The following HERC1 variants were observed in gnomAD, a reference collection of about 807,000 sequenced individuals.
The protein encoded by HERC1 is HECT and RLD domain containing E3 ubiquitin protein ligase family member 1, also known as probable E3 ubiquitin-protein ligase HERC1.
A neutral mutation model predicts 554.3 loss-of-function variants in HERC1; 160 were observed. That is an observed-to-expected ratio of 0.29 (90% CI 0.25 to 0.33). The LOEUF is 0.33. Among genes scored for constraint, HERC1 ranks in the 10% least tolerant of loss-of-function variants. HERC1 has a pLI of 1.00. For missense variants in HERC1, 4,919 were observed against 5,918.5 expected, an observed-to-expected ratio of 0.83 and a Z score of 5.54; for synonymous variants, 2,175 against 2,131.7, an observed-to-expected ratio of 1.02 and a Z score of -0.56.
intron 48 of HERC1, 22 bp from the exon 49 acceptor site, chr15:63,656,380 T>G (rs1185198026): frequency 1.3e-6 from 2 of 1,593,574 alleles, no homozygotes; most frequent in Non-Finnish European, 1.7e-6. Context: ...GAAAAACATC[T>G]CAGATGGATA....
chr15:63,613,462 C>A (rs1267260785), intron 76 of HERC1, among the ~76,000 whole-genome samples: 1 of 152,166 alleles, frequency 6.6e-6, no homozygotes, highest in African/African-American at 2.4e-5. Context: ...TTCATAAATA[C>A]TTCTTTGCTC....
chr15:63,643,559 C>T lies in HERC1; in HGVS notation c.11185-9G>A, dbSNP rs1325847730. On this transcript the variant is annotated splice_polypyrimidine_tract_variant and intron_variant, in intron 57 of 77. Transcript: ENST00000443617. ...GATTTCCTATATCCATCCTGAAATT[C>T]ATTATTTTTAACATGCATTAAAATA... 1.9e-6 allele frequency: 3 copies of T among 1,552,186 alleles called. No homozygotes were observed. The highest frequency in any genetic ancestry group is 2.6e-6 in the Non-Finnish European group (3 of 1,146,436).
Position 63,680,727 on chromosome 15 carries a change from AC to A in HERC1, c.6274del (p.Val2092PhefsTer50). On this transcript the variant is annotated frameshift_variant, in exon 35 of 78. Coordinates refer to ENST00000443617, the MANE Select transcript of HERC1 (RefSeq NM_003922.4). LOFTEE classifies it high-confidence loss of function. The surrounding 1 kb of genome is among the most constrained non-coding windows in gnomAD (Gnocchi z 5.8). ...NRGNEGTCVGVSRWPVHDFNH... is the reference protein window; with the variant it reads ...NRGNEGTCVGXSRWPVHDFNH... Reference sequence around the variant, plus strand: ...AAAGTCATGTACTGGCCAGCGAGAAACTCCAACACACGTGCCTTCATTACCT... The same window carrying A: ...AAAGTCATGTACTGGCCAGCGAGAAATCCAACACACGTGCCTTCATTACCT... 6.2e-7 allele frequency: 1 copy of A among 1,612,942 alleles called. No individual in the cohort carries two copies. The highest frequency in any genetic ancestry group is 8.5e-7 in the Non-Finnish European group (1 of 1,179,086).
At chr15:63,803,925 G>A (rs2077062913) in intron 1 of HERC1, among the ~76,000 whole-genome samples, 2 of 152,114 alleles carry the variant, frequency 1.3e-5, no homozygotes, top group Admixed American at 1.3e-4. Context: ...CAAGATAGTG[G>A]TACTTTCATC....
intron 1 of HERC1, among the ~76,000 whole-genome samples, chr15:63,801,137 C>T (rs988554819): frequency 6.6e-6 from 1 of 152,154 alleles, no homozygotes; most frequent in Non-Finnish European, 1.5e-5. Context: ...CTGTATCTTG[C>T]CCTATGCATC....
At chr15:63,637,322 AC>A (rs1409590828) in intron 64 of HERC1, among the ~76,000 whole-genome samples, 182 bp downstream of exon 64, 1 of 152,234 alleles carries the variant, frequency 6.6e-6, no homozygotes, top group Non-Finnish European at 1.5e-5. Context: ...GCTATAAGTA[AC>A]CTGCAATATA....
chr15:63,718,422 T>C lies in HERC1; in HGVS notation c.3978+152A>G, dbSNP rs1351646221. 2 of 689,794 alleles carry C rather than the reference T, an allele frequency of 2.9e-6. No homozygotes were observed. The highest frequency in any genetic ancestry group is 2.9e-5 in the East Asian group (1 of 33,942). The allele number at this position is 689,794 out of a possible 1,614,324, so 42.7% of individuals were successfully genotyped here. On this transcript the variant is annotated intron_variant, in intron 21 of 77. Transcript: ENST00000443617. The surrounding 1 kb of genome is among the most constrained non-coding windows in gnomAD (Gnocchi z 4.2). ...GAGGTTAAGTAAATCTCAAATCTTT[T>C]CCTTTTTTTTTTTCTGCTAGGAAAA...
In HERC1 at chr15:63,727,735, G is replaced by A. The variant is rs530606514; in HGVS notation, c.3258C>T (p.Leu1086=). 1.2e-6 allele frequency: 2 copies of A among 1,613,754 alleles called. No individual in the cohort carries two copies. Among genetic ancestry groups the A allele is most frequent in the Admixed American group, 1.7e-5 (1 of 60,004 alleles). ...GGCAATCAAGAGGTGGCAACAAGTC[G>A]AGGAGGTAACTCAATAAAGGCCGAG... The part of the protein sequence containing the change: ...SVARPLLSYL[L]DLLPPLDCLN... Residue 1086 remains leucine (L), a synonymous_variant, in exon 17 of 78, where the codon CTC becomes CTT. Coordinates refer to ENST00000443617, the MANE Select transcript of HERC1 (RefSeq NM_003922.4). The surrounding 1 kb of genome is among the most constrained non-coding windows in gnomAD (Gnocchi z 4.3).
rs377406224 is a variant in HERC1, at chr15:63,690,536, A to G, written c.5937+5T>C. ...ACATCTTCTAATAATTTTAAAAATA[A>G]AAACCTGGGCCATTTGATCATCTTC... On this transcript the variant is annotated splice_donor_5th_base_variant and intron_variant, in intron 32 of 77. Coordinates refer to ENST00000443617, the MANE Select transcript of HERC1 (RefSeq NM_003922.4). The G allele has an allele frequency of 7.0e-5, 110 of 1,579,742 alleles. No homozygotes were observed. In the African/African-American group the frequency reaches 1.3e-3, roughly 18 times the overall value.
chr15:63,673,295 T>C (rs1236355598), intron 38 of HERC1, among the ~76,000 whole-genome samples: 1 of 152,208 alleles, frequency 6.6e-6, no homozygotes, highest in African/African-American at 2.4e-5. Flanking sequence ...GTAATTCTAT[T>C]AGGTTTGATA....
rs564681720 is a variant in HERC1, at chr15:63,758,422, C to A, written c.1027-53G>T. 4 of 1,293,672 alleles carry A rather than the reference C, an allele frequency of 3.1e-6. No homozygotes were observed. In the South Asian group the frequency reaches 4.3e-5, roughly 14 times the overall value. The allele number at this position is 1,293,672 out of a possible 1,614,324, so 80.1% of individuals were successfully genotyped here. On this transcript the variant is annotated intron_variant, in intron 3 of 77. Transcript: ENST00000443617. This position sits in a 1 kb window ranked among gnomAD's most constrained non-coding sequence, Gnocchi z 4.0. ...ATAGTCAAGACAGTTTTAGTCTGGG[C>A]ATTTTTTATACATATCCTCTGAAAT... is the stretch of plus-strand genomic sequence containing the variant.
intron 66 of HERC1, 46 bp downstream of exon 66, chr15:63,634,687 T>C (rs777266217): frequency 1.0e-4 from 159 of 1,538,426 alleles, no homozygotes; most frequent in Non-Finnish European, 1.3e-4. Flanking sequence ...ACAGAAGAAA[T>C]GAGAAACAAT....
At chr15:63,811,575 C>A in intron 1 of HERC1, among the ~76,000 whole-genome samples, 1 of 152,050 alleles carries the variant, frequency 6.6e-6, no homozygotes, top group East Asian at 1.9e-4. Flanking sequence ...TTTCGGCGGC[C>A]GAGACGGGCA....
At chr15:63,642,904 C>T (rs2069143374) in intron 59 of HERC1, 53 bp downstream of exon 59, 5 of 1,101,068 alleles carry the variant, frequency 4.5e-6, no homozygotes, top group Non-Finnish European at 4.1e-6. Flanking sequence ...ACTATGATTT[C>T]TAAAGTTCCT....
intron 1 of HERC1, among the ~76,000 whole-genome samples, chr15:63,812,042 T>A (rs1362841719): frequency 6.6e-6 from 1 of 152,336 alleles, no homozygotes; most frequent in East Asian, 1.9e-4. Flanking sequence ...TCCATCTCTA[T>A]AAATTTAGAG....
chr15:63,763,307 CAAAG>C (rs1195856280), intron 3 of HERC1, among the ~76,000 whole-genome samples: 1 of 152,134 alleles, frequency 6.6e-6, no homozygotes, highest in African/African-American at 2.4e-5. Context: ...GCTAATACCA[CAAAG>C]AGAGACAACC....
intron 63 of HERC1, 118 bp downstream of exon 63, chr15:63,638,293 T>C: frequency 9.3e-7 from 1 of 1,079,696 alleles, no homozygotes; most frequent in Non-Finnish European, 1.3e-6. Context: ...TGACTTTCTT[T>C]AATGATTCCT....
chr15:63,638,159 T>C (rs1384786619), intron 63 of HERC1, among the ~76,000 whole-genome samples: 7 of 152,300 alleles, frequency 4.6e-5, no homozygotes, highest in East Asian at 3.9e-4. Context: ...TAGAAATACA[T>C]ACTGGGCAGG....
In HERC1 at chr15:63,692,541, G is replaced by A. The variant is rs762017394; in HGVS notation, c.5700C>T (p.Ala1900=). The change falls in exon 31 of 78, where the codon GCC becomes GCT. Residue 1900 remains alanine, a synonymous_variant. Coordinates refer to ENST00000443617, the MANE Select transcript of HERC1 (RefSeq NM_003922.4). This position sits in a 1 kb window ranked among gnomAD's most constrained non-coding sequence, Gnocchi z 4.7. ...CTAAAAAATCCCCTAGATGGAGTTC[G>A]GCTGCATGTTGTTTCCTAAGAGCAG... ...FRAALRKQHA[A]ELHLGDFLVF... 9.3e-6 allele frequency: 15 copies of A among 1,609,374 alleles called. No homozygotes were observed. The highest frequency in any genetic ancestry group is 2.2e-5 in the South Asian group (2 of 89,930).
Sources: allele counts gnomAD v4.1 joint callset (sites outside exome capture counted in the v4.1 genomes callset), GRCh38; gene constraint gnomAD v4.1.1; non-coding constraint Gnocchi (gnomAD v3.1); transcripts MANE v1.5; gene names NCBI Gene and HGNC (gene_info 2026-07-23, HGNC 2026-07-21).